Variants in SEL1L3 observed in about 807,000 individuals in gnomAD.
SEL1L3 encodes the protein protein sel-1 homolog 3.
A neutral mutation model predicts 142.8 loss-of-function variants in SEL1L3; 76 were observed. That is an observed-to-expected ratio of 0.53 (90% CI 0.44 to 0.64). The LOEUF (loss-of-function observed/expected upper bound fraction) is 0.64, where lower values mean the gene tolerates loss of function less well. SEL1L3 is among the 30% of genes least tolerant of loss of function. SEL1L3 has a pLI of 0.00. For synonymous variants in SEL1L3, 504 were observed against 519.6 expected (o/e 0.97, Z 0.41); for missense variants, 1,262 against 1,381.7 (o/e 0.91, Z 1.37).
chr4:25,831,366 G>C lies in SEL1L3; in HGVS notation c.1099-1210C>G, dbSNP rs113520304. Among the ~76,000 whole-genome samples the C allele has an allele frequency of 3.3e-3, 506 of 151,522 alleles. 3 individuals are homozygous for C. Among genetic ancestry groups the C allele is most frequent in the African/African-American group, 0.012 (478 of 41,290 alleles). On this transcript the variant is annotated intron_variant, in intron 5 of 23. Transcript: ENST00000399878. ...AACATGCTGAAATACCCTCTTCTCC[G>C]TTCTCCATCTAAATCCTGTCCAACC...
chr4:25,783,134 A>C (rs1161199961), intron 14 of SEL1L3, among the ~76,000 whole-genome samples: 1 of 152,210 alleles, frequency 6.6e-6, no homozygotes, highest in Non-Finnish European at 1.5e-5. Flanking sequence ...AGAGATGCAA[A>C]TTTCACAGCT....
At chr4:25,739,052 T>A in the SEL1L3 span, among the ~76,000 whole-genome samples, 2 of 150,596 alleles carry the variant, frequency 1.3e-5, no homozygotes, top group African/African-American at 4.9e-5. Context: ...AAAAAAAAAA[T>A]AAAAAATTAG....
At chr4:25,746,535 T>TATACATTTAATTATATAATTAA (rs1717273255), downstream of SEL1L3, among the ~76,000 whole-genome samples, 1 of 123,052 alleles carries the variant, frequency 8.1e-6, no homozygotes, top group African/African-American at 3.0e-5. Flanking sequence ...TATTTAAATA[T>TATACATTTAATTATATAATTAA]ATATATTCAA....
At chr4:25,829,797 T>C (rs1176472783) in intron 6 of SEL1L3, among the ~76,000 whole-genome samples, 2 of 152,164 alleles carry the variant, frequency 1.3e-5, no homozygotes, top group African/African-American at 4.8e-5. Flanking sequence ...GAATCCTTCA[T>C]AGAAGATAAT....
At chr4:25,800,851 A>C (rs1368010410) in intron 11 of SEL1L3, among the ~76,000 whole-genome samples, 1 of 152,216 alleles carries the variant, frequency 6.6e-6, no homozygotes, top group Non-Finnish European at 1.5e-5. Flanking sequence ...ACTCATGTTC[A>C]ACATTTACTG....
chr4:25,717,108 C>G, the SEL1L3 span, among the ~76,000 whole-genome samples: 3 of 152,084 alleles, frequency 2.0e-5, no homozygotes, highest in Non-Finnish European at 4.4e-5. Flanking sequence ...GCCTGGATGA[C>G]AGAGTGAGAC....
intron 9 of SEL1L3, among the ~76,000 whole-genome samples, chr4:25,816,043 T>C (rs1031232829): frequency 5.4e-5 from 8 of 148,604 alleles, no homozygotes; most frequent in African/African-American, 1.7e-4. Context: ...TCTAAGTATA[T>C]TGTATATATA....
At chr4:25,782,060 TG>T (rs1229850882) in intron 15 of SEL1L3, among the ~76,000 whole-genome samples, 181 bp downstream of exon 15, 2 of 152,214 alleles carry the variant, frequency 1.3e-5, no homozygotes, top group East Asian at 3.8e-4. Flanking sequence ...GCCACACACT[TG>T]GCACTTGGCT....
At chr4:25,815,839 A>C (rs1714354421) in intron 9 of SEL1L3, among the ~76,000 whole-genome samples, 1 of 148,960 alleles carries the variant, frequency 6.7e-6, no homozygotes, top group Non-Finnish European at 1.5e-5. Flanking sequence ...TGGCAATACC[A>C]GGAAATATTT....
At chr4:25,820,275 A>G (rs1714664636) in intron 7 of SEL1L3, among the ~76,000 whole-genome samples, 1 of 151,894 alleles carries the variant, frequency 6.6e-6, no homozygotes, top group African/African-American at 2.4e-5. Context: ...CCACGAAAAG[A>G]TGCAAGGGTA....
chr4:25,766,617 T>C (rs1718756771), intron 19 of SEL1L3, among the ~76,000 whole-genome samples: 2 of 152,072 alleles, frequency 1.3e-5, no homozygotes, highest in Admixed American at 1.3e-4. Flanking sequence ...GTGAGAAGGC[T>C]ACTATCATCC....
intron 11 of SEL1L3, among the ~76,000 whole-genome samples, chr4:25,796,209 C>T (rs1428544474): frequency 2.6e-5 from 4 of 152,290 alleles, no homozygotes; most frequent in East Asian, 1.9e-4. Context: ...CACACTGTCC[C>T]GGGGATGCTG....
chr4:25,770,868 T>C (rs907942798), intron 17 of SEL1L3, among the ~76,000 whole-genome samples: 2 of 152,210 alleles, frequency 1.3e-5, no homozygotes, highest in Non-Finnish European at 2.9e-5. Context: ...TCACATCTAC[T>C]GAGCAGTGAG....
At chr4:25,756,114 C>T (rs1717940658) in intron 23 of SEL1L3, 1 of 985,348 alleles carries the variant, frequency 1.0e-6, no homozygotes, top group Non-Finnish European at 1.2e-6. Flanking sequence ...ACCCCTTTCA[C>T]TTTCCATTAT....
At chr4:25,822,174 G>C in intron 6 of SEL1L3, 46 bp from the exon 7 acceptor site, 1 of 1,610,150 alleles carries the variant, frequency 6.2e-7, no homozygotes, top group Non-Finnish European at 8.5e-7. Context: ...GCCGGAACTA[G>C]ATGATTTAAA....
chr4:25,720,536 C>T, the SEL1L3 span: 4 of 152,154 alleles, frequency 2.6e-5, no homozygotes, highest in South Asian at 4.2e-4. Flanking sequence ...GAGATAGAGA[C>T]GTATAATAAT....
rs1405142205 is a variant in SEL1L3, at chr4:25,756,652, A to G, written c.3259+882T>C. 3.9e-6 allele frequency: 4 copies of G among 1,013,114 alleles called. No homozygotes were observed. The African/African-American group carries it at 5.1e-5, about 13-fold the overall frequency. 62.8% of individuals were successfully genotyped at this position (1,013,114 alleles called of 1,614,324 possible). A position where few individuals can be genotyped will look rare whatever the true frequency, so the allele number is the denominator to read the frequency against. On this transcript the variant is annotated intron_variant, in intron 23 of 23. Transcript: ENST00000399878. ...ACTCTAAGCCCAAACAGAAGCAAGC[A>G]GGGCTCCCTTGTCCTTAACTATTCT...
At position 25,753,962 on chromosome 4, in the gene SEL1L3, C is replaced by A. The variant is rs569803916; in HGVS notation, c.3259+3572G>T. Among the ~76,000 whole-genome samples the A allele has an allele frequency of 3.3e-5, 5 of 149,302 alleles. No homozygotes were observed. The Admixed American group carries it at 3.4e-4, about 10-fold the overall frequency. On this transcript the variant is annotated intron_variant, in intron 23 of 23. Coordinates refer to ENST00000399878, the MANE Select transcript of SEL1L3 (RefSeq NM_015187.5). ...TTGTACCACTGTACTCCAGCCTGGG[C>A]GACAGTGAGACTCCGTCTCAACATA...
intron 1 of SEL1L3, among the ~76,000 whole-genome samples, chr4:25,852,341 G>C (rs1351694767): frequency 6.6e-6 from 1 of 152,162 alleles, no homozygotes; most frequent in Non-Finnish European, 1.5e-5. Context: ...GATATCAATG[G>C]TGACTAATGG....
Sources: allele counts gnomAD v4.1 joint callset (sites outside exome capture counted in the v4.1 genomes callset), GRCh38; gene constraint gnomAD v4.1.1; transcripts MANE v1.5; gene names NCBI Gene and HGNC (gene_info 2026-07-23, HGNC 2026-07-21).